Variants in CNTN4 observed in about 807,000 individuals in gnomAD.
CNTN4 encodes the protein contactin-4.
CNTN4 carries 77 observed loss-of-function variants against 122.5 expected under a neutral mutation model. The ratio of observed to expected loss-of-function variants is 0.63; its 90% CI spans 0.52 to 0.76. CNTN4 has a LOEUF of 0.76. CNTN4 is among the 30% of genes least tolerant of loss of function. The pLI, the probability that CNTN4 is intolerant of heterozygous loss-of-function variation, is 0.00. For synonymous variants in CNTN4, 512 were observed against 447.0 expected, an observed-to-expected ratio of 1.15 and a Z score of -1.83; for missense variants, 1,256 against 1,259.1, an observed-to-expected ratio of 1.00 and a Z score of 0.04.
chr3:2,397,245 A>ATATTTTTC (rs1410506076), intron 3 of CNTN4, among the ~76,000 whole-genome samples: 2 of 152,190 alleles, frequency 1.3e-5, no homozygotes, highest in Non-Finnish European at 2.9e-5. Context: ...TATAGTAAGT[A>ATATTTTTC]TATTTTTCTT....
intron 3 of CNTN4, among the ~76,000 whole-genome samples, chr3:2,529,577 A>G (rs1222749811): frequency 1.3e-5 from 2 of 152,204 alleles, no homozygotes; most frequent in Admixed American, 6.5e-5. Context: ...CTATATACAA[A>G]CAACAGAGCC....
intron 13 of CNTN4, among the ~76,000 whole-genome samples, chr3:2,963,021 C>T (rs952353771): frequency 6.6e-6 from 1 of 152,080 alleles, no homozygotes; most frequent in Non-Finnish European, 1.5e-5. Context: ...TATCCCCTCC[C>T]GCATTCTGGA....
At chr3:2,693,796 A>T (rs2085869026) in intron 4 of CNTN4, among the ~76,000 whole-genome samples, 1 of 152,234 alleles carries the variant, frequency 6.6e-6, no homozygotes, top group Non-Finnish European at 1.5e-5. Context: ...ACTAGGAAAC[A>T]CATCACAAGA....
At chr3:3,052,871 G>A (rs1374677778) in intron 23 of CNTN4, among the ~76,000 whole-genome samples, 2 of 152,188 alleles carry the variant, frequency 1.3e-5, no homozygotes, top group Non-Finnish European at 2.9e-5. Flanking sequence ...TCCCTGTGCT[G>A]AAATGTCCTG....
chr3:2,461,356 A>C (rs973351316), intron 3 of CNTN4, among the ~76,000 whole-genome samples: 1 of 152,198 alleles, frequency 6.6e-6, no homozygotes, highest in Non-Finnish European at 1.5e-5. Context: ...TTAATTAGTT[A>C]ACATTAATTA....
intron 13 of CNTN4, among the ~76,000 whole-genome samples, chr3:2,959,404 A>G (rs2094830924): frequency 6.6e-6 from 1 of 152,164 alleles, no homozygotes; most frequent in Non-Finnish European, 1.5e-5. Flanking sequence ...TCAGTATGAT[A>G]AGACCATAAA....
At chr3:2,268,144 A>G (rs895666294) in intron 2 of CNTN4, among the ~76,000 whole-genome samples, 2 of 152,132 alleles carry the variant, frequency 1.3e-5, no homozygotes, top group African/African-American at 2.4e-5. Flanking sequence ...AGCACAATTA[A>G]ATGTGCATTT....
chr3:2,790,986 T>A (rs924841343), intron 6 of CNTN4, among the ~76,000 whole-genome samples: 3 of 151,218 alleles, frequency 2.0e-5, no homozygotes, highest in African/African-American at 7.3e-5. Flanking sequence ...TCTGCTAGCC[T>A]GTAAACTCTG....
intron 6 of CNTN4, among the ~76,000 whole-genome samples, chr3:2,761,998 C>T (rs1210013953): frequency 6.6e-6 from 1 of 152,100 alleles, no homozygotes; most frequent in Non-Finnish European, 1.5e-5. Context: ...TGAATACCAA[C>T]TGGATAGCAA....
chr3:2,909,882 A>G (rs2094280705), intron 12 of CNTN4, among the ~76,000 whole-genome samples: 1 of 152,034 alleles, frequency 6.6e-6, no homozygotes. Context: ...ATCCAAGACC[A>G]CCGTTTGAGA....
chr3:2,521,238 A>C (rs1039468864), intron 3 of CNTN4, among the ~76,000 whole-genome samples: 27 of 151,990 alleles, frequency 1.8e-4, no homozygotes, highest in Middle Eastern at 3.2e-3. Context: ...AATTGAGGCA[A>C]ACTCTTATTT....
chr3:2,194,900 A>C (rs180869430), intron 2 of CNTN4, among the ~76,000 whole-genome samples: 10 of 152,284 alleles, frequency 6.6e-5, no homozygotes, highest in Admixed American at 1.3e-4. Flanking sequence ...CTGTGAGACA[A>C]TAAACTCTGT....
chr3:2,220,024 G>T (rs1444461498), intron 2 of CNTN4, among the ~76,000 whole-genome samples: 1 of 152,134 alleles, frequency 6.6e-6, no homozygotes, highest in South Asian at 2.1e-4. Flanking sequence ...CAATATTTCA[G>T]TACTTGCTGT....
chr3:2,635,520 A>G (rs2150072290), intron 4 of CNTN4, among the ~76,000 whole-genome samples: 1 of 152,290 alleles, frequency 6.6e-6, no homozygotes, highest in African/African-American at 2.4e-5. Flanking sequence ...ACCATGGAAT[A>G]ACTAGATCCC....
At chr3:2,179,624 C>T (rs1357653450) in intron 2 of CNTN4, among the ~76,000 whole-genome samples, 1 of 151,882 alleles carries the variant, frequency 6.6e-6, no homozygotes, top group Admixed American at 6.6e-5. Context: ...AGTACTCTCT[C>T]TTCAAAACTT....
At chr3:2,641,353 A>C (rs866849251) in intron 4 of CNTN4, among the ~76,000 whole-genome samples, 1 of 152,174 alleles carries the variant, frequency 6.6e-6, no homozygotes, top group Non-Finnish European at 1.5e-5. Context: ...CATATTATTC[A>C]CATTTTTTGT....
Position 2,110,564 on chromosome 3 carries a change from T to C in CNTN4, c.-145+9925T>C, listed in dbSNP as rs2032863842. ...CATCTGCTTTCTGCTGCCTTTCAGA[T>C]TGTCATATTATAATCTTTCGCTTTG... On this transcript the variant is annotated intron_variant, in intron 2 of 24. Transcript: ENST00000418658. 3.3e-5 allele frequency: 5 copies of C among 152,212 alleles called. No homozygotes were observed. The South Asian group carries it at 8.3e-4, about 25-fold the overall frequency. The allele number at this position is 152,212 out of a possible 1,614,324, so 9.4% of individuals were successfully genotyped here.
At chr3:2,384,042 T>A (rs1407647251) in intron 3 of CNTN4, among the ~76,000 whole-genome samples, 1 of 152,154 alleles carries the variant, frequency 6.6e-6, no homozygotes, top group Non-Finnish European at 1.5e-5. Flanking sequence ...TTGAAAAAAT[T>A]ATATTCTCTG....
chr3:2,293,083 G>A (rs2042190753), intron 2 of CNTN4, among the ~76,000 whole-genome samples: 1 of 151,896 alleles, frequency 6.6e-6, no homozygotes, highest in Non-Finnish European at 1.5e-5. Context: ...TGACCTTCAC[G>A]ATTCTTGTGG....
Sources: gnomAD v4.1 joint callset for allele counts (sites outside exome capture counted in the v4.1 genomes callset) on GRCh38, gnomAD v4.1.1 for gene constraint, MANE v1.5 for transcripts, NCBI Gene and HGNC (gene_info 2026-07-23, HGNC 2026-07-21) for gene names.